The following RAB11FIP4 variants were observed in gnomAD, a reference collection of about 807,000 sequenced individuals.
RAB11FIP4 encodes rab11 family-interacting protein 4.
Under a neutral mutation model 74.3 loss-of-function variants are expected in RAB11FIP4, and 23 were observed. The observed-to-expected ratio is 0.31, with a 90% CI of 0.22 to 0.44. The LOEUF is 0.44. Ranked by LOEUF, RAB11FIP4 falls within the 20% of genes least tolerant of loss-of-function variation. RAB11FIP4 has a pLI of 1.00. For synonymous variants in RAB11FIP4, 360 were observed against 359.9 expected (o/e 1.00, Z 0.00); for missense variants, 630 against 863.9 (o/e 0.73, Z 3.39).
At chr17:31,468,372 T>C (rs1377022819) in intron 3 of RAB11FIP4, among the ~76,000 whole-genome samples, 1 of 152,192 alleles carries the variant, frequency 6.6e-6, no homozygotes, top group Non-Finnish European at 1.5e-5. Flanking sequence ...GAGAGGGCTT[T>C]GGTCCTGCAT....
At chr17:31,469,994 G>A (rs1295281607) in intron 3 of RAB11FIP4, among the ~76,000 whole-genome samples, 1 of 152,186 alleles carries the variant, frequency 6.6e-6, no homozygotes, top group Non-Finnish European at 1.5e-5. Flanking sequence ...TGCCTCACAG[G>A]TCCTTCCTTC....
At chr17:31,513,134 C>G (rs1195316478) in intron 3 of RAB11FIP4, among the ~76,000 whole-genome samples, 2 of 152,072 alleles carry the variant, frequency 1.3e-5, no homozygotes, top group African/African-American at 2.4e-5. Context: ...CTCCCATGAC[C>G]CCCAGTCTAC....
chr17:31,425,986 A>C (rs1176432615), intron 1 of RAB11FIP4, among the ~76,000 whole-genome samples: 1 of 152,230 alleles, frequency 6.6e-6, no homozygotes, highest in African/African-American at 2.4e-5. Context: ...CCAACTGTGA[A>C]ATGACGGGCT....
In RAB11FIP4 at chr17:31,392,018, T is replaced by C; in HGVS notation, c.159+7T>C. The C allele has an allele frequency of 7.7e-7, 1 of 1,298,190 alleles. No homozygotes were observed. The highest frequency in any genetic ancestry group is 9.8e-7 in the Non-Finnish European group (1 of 1,022,350). 80.4% of individuals were successfully genotyped at this position (1,298,190 alleles called of 1,614,324 possible). A position where few individuals can be genotyped will look rare whatever the true frequency, so the allele number is the denominator to read the frequency against. On this transcript the variant is annotated splice_region_variant and intron_variant, in intron 1 of 14. Coordinates refer to ENST00000621161, the MANE Select transcript of RAB11FIP4 (RefSeq NM_032932.6). ...CTTCGGCCAGGGCGAGGAGGTAAGCTGGCCCGACCCCAGTCCCGGCCCGGG... is the reference window on the plus strand; with the variant it reads ...CTTCGGCCAGGGCGAGGAGGTAAGCCGGCCCGACCCCAGTCCCGGCCCGGG...
intron 3 of RAB11FIP4, among the ~76,000 whole-genome samples, chr17:31,446,880 A>C (rs1423324138): frequency 6.6e-6 from 1 of 152,208 alleles, no homozygotes; most frequent in Non-Finnish European, 1.5e-5. Context: ...TTTGAAGATA[A>C]GAAAGAAGCC....
chr17:31,440,886 G>A (rs2071401473), intron 3 of RAB11FIP4, among the ~76,000 whole-genome samples: 2 of 152,132 alleles, frequency 1.3e-5, no homozygotes, highest in East Asian at 1.9e-4. Flanking sequence ...GATCATATTT[G>A]AAATTAAATT....
At chr17:31,488,120 A>C (rs1450546472) in intron 3 of RAB11FIP4, 10 of 1,028,150 alleles carry the variant, frequency 9.7e-6, no homozygotes, top group Non-Finnish European at 1.2e-5. Flanking sequence ...TGGTGCCCAG[A>C]AGTGCGAGCG....
chr17:31,406,670 C>G (rs1442287720), intron 1 of RAB11FIP4, among the ~76,000 whole-genome samples: 3 of 152,146 alleles, frequency 2.0e-5, no homozygotes, highest in Admixed American at 6.5e-5. Flanking sequence ...CTTGGTATTT[C>G]TTTCTGCATA....
intron 3 of RAB11FIP4, among the ~76,000 whole-genome samples, chr17:31,472,217 G>A (rs1322265264): frequency 6.6e-6 from 1 of 151,842 alleles, no homozygotes; most frequent in Non-Finnish European, 1.5e-5. Context: ...CCCACCTGAG[G>A]TCAGGTCCCC....
chr17:31,451,458 CAAAAAAAA>C (rs60812825), intron 3 of RAB11FIP4, among the ~76,000 whole-genome samples: 8 of 85,988 alleles, frequency 9.3e-5, no homozygotes, highest in African/African-American at 3.2e-4. Flanking sequence ...GACTCCATCT[CAAAAAAAA>C]AAAAAAAAAA....
At chr17:31,481,545 G>A (rs1293566149) in intron 3 of RAB11FIP4, among the ~76,000 whole-genome samples, 1 of 152,262 alleles carries the variant, frequency 6.6e-6, no homozygotes, top group East Asian at 1.9e-4. Flanking sequence ...TTGGGGAAAG[G>A]AGAGTTGTTT....
chr17:31,517,625 T>C (rs2072581705), intron 3 of RAB11FIP4, 26 bp from the exon 4 acceptor site: 3 of 1,573,456 alleles, frequency 1.9e-6, no homozygotes, highest in South Asian at 2.3e-5. Flanking sequence ...GCCTCACTTA[T>C]CTTGTCTCTG....
At chr17:31,424,352 C>T (rs2071226626) in intron 1 of RAB11FIP4, among the ~76,000 whole-genome samples, 1 of 152,164 alleles carries the variant, frequency 6.6e-6, no homozygotes, top group Admixed American at 6.5e-5. Context: ...TAAATATTGG[C>T]ATCTAATTTT....
rs1567658349 is a variant in RAB11FIP4, at chr17:31,445,568, ATATATATATATTTTTTT to A, written c.336+11448_336+11464del. Among the ~76,000 whole-genome samples, 44 of 12,674 alleles carry A rather than the reference ATATATATATATTTTTTT, an allele frequency of 3.5e-3. 1 individual carries two copies. The highest frequency in any genetic ancestry group is 9.6e-3 in the South Asian group (2 of 208). The allele number at this position is 12,674 out of a possible 152,430, so 8.3% of individuals were successfully genotyped here. A position where few individuals can be genotyped will look rare whatever the true frequency, so the allele number is the denominator to read the frequency against. Reference sequence around the variant, plus strand: ...TATATATATATATATATATATATATATATATATATATTTTTTTTTTTTTTTTTTTTTTTTTGACACGG... The same window carrying A: ...TATATATATATATATATATATATATATTTTTTTTTTTTTTTTTTGACACGG... On this transcript the variant is annotated intron_variant, in intron 3 of 14. Coordinates refer to ENST00000621161, the MANE Select transcript of RAB11FIP4 (RefSeq NM_032932.6).
intron 1 of RAB11FIP4, among the ~76,000 whole-genome samples, chr17:31,398,163 C>T (rs746787675): frequency 2.6e-5 from 4 of 152,140 alleles, no homozygotes; most frequent in Non-Finnish European, 4.4e-5. Flanking sequence ...CTCAGCCTCC[C>T]GAGTAGCTGG....
At position 31,528,644 on chromosome 17, in the gene RAB11FIP4, C is replaced by T. The variant is rs763089503; in HGVS notation, c.1519C>T (p.Leu507=). Residue 507 remains leucine, a synonymous_variant, in exon 13 of 15, where the codon CTG becomes TTG. Transcript: ENST00000621161. The part of the protein sequence containing the change: ...QELIEDLRKE[L]EHLQMYKLDC... ...GCTCATCGAGGACTTGCGGAAGGAG[C>T]TGGAGCACCTGCAGATGTACAAGCT... 7.6e-5 allele frequency: 123 copies of T among 1,613,444 alleles called. 1 individual carries two copies. The South Asian group carries it at 1.3e-3, about 17-fold the overall frequency.
At chr17:31,467,403 G>C (rs1444203607) in intron 3 of RAB11FIP4, among the ~76,000 whole-genome samples, 1 of 152,180 alleles carries the variant, frequency 6.6e-6, no homozygotes, top group Non-Finnish European at 1.5e-5. Flanking sequence ...ACAGGCGTGA[G>C]CCACGGTGCC....
intron 3 of RAB11FIP4, chr17:31,508,984 A>G (rs1444320321): frequency 3.3e-5 from 5 of 152,636 alleles, no homozygotes; most frequent in Admixed American, 6.5e-5. Context: ...TTTGTGCAGC[A>G]GCAGAACTTG....
intron 3 of RAB11FIP4, among the ~76,000 whole-genome samples, chr17:31,498,071 G>A (rs1169169345): frequency 6.6e-6 from 1 of 152,130 alleles, no homozygotes; most frequent in East Asian, 1.9e-4. Context: ...GCTGAGACCT[G>A]CTGGAAGGGG....
Sources: allele counts gnomAD v4.1 joint callset (sites outside exome capture counted in the v4.1 genomes callset), GRCh38; gene constraint gnomAD v4.1.1; transcripts MANE v1.5; gene names NCBI Gene and HGNC (gene_info 2026-07-23, HGNC 2026-07-21).